The following TSHR variants were observed in gnomAD, a reference collection of about 807,000 sequenced individuals.
The protein encoded by TSHR is thyrotropin receptor.
A neutral mutation model predicts 64.1 loss-of-function variants in TSHR; 51 were observed. That is an observed-to-expected ratio of 0.80 (90% confidence interval 0.64 to 1.01). TSHR has a LOEUF of 1.01. TSHR is among the 50% of genes least tolerant of loss of function. The pLI is 0.00. For missense variants in TSHR, 877 were observed against 942.8 expected, an observed-to-expected ratio of 0.93 and a Z score of 0.91; for synonymous variants, 361 against 361.9, an observed-to-expected ratio of 1.00 and a Z score of 0.03.
rs1891853394 is a variant in TSHR, at chr14:81,144,433, C to T, written c.*80C>T. The T allele has an allele frequency of 2.9e-6, 4 of 1,400,174 alleles. No homozygotes were observed. In the Admixed American group the frequency reaches 5.1e-5, roughly 18 times the overall value. 86.7% of individuals were successfully genotyped at this position (1,400,174 alleles called of 1,614,324 possible). ...GAATATGCATTCCAATCCCATGACA[C>T]CCCCAACACATAGCTGCCCTCACTC... On this transcript the variant is annotated 3_prime_UTR_variant, in exon 10 of 10. Transcript: ENST00000298171.
chr14:81,001,361 C>G (rs1889306100), intron 1 of TSHR: 2 of 340,038 alleles, frequency 5.9e-6, no homozygotes, highest in Admixed American at 3.5e-5. Flanking sequence ...TAAGGATCAT[C>G]TTGATGTGGC....
At chr14:81,136,680 T>C (rs1891467083) in intron 8 of TSHR, among the ~76,000 whole-genome samples, 1 of 152,158 alleles carries the variant, frequency 6.6e-6, no homozygotes, top group Non-Finnish European at 1.5e-5. Context: ...AAACTTCAAA[T>C]TGGGACAAGG....
chr14:81,048,133 CT>C (rs1169979203), intron 1 of TSHR, among the ~76,000 whole-genome samples: 1 of 151,950 alleles, frequency 6.6e-6, no homozygotes, highest in East Asian at 1.9e-4. Context: ...ATTATTATCC[CT>C]TTTTCAGTTG....
intron 8 of TSHR, among the ~76,000 whole-genome samples, chr14:81,118,560 A>C (rs1461268814): frequency 6.6e-6 from 1 of 151,568 alleles, no homozygotes; most frequent in African/African-American, 2.4e-5. Flanking sequence ...TTCCATGCTC[A>C]TGGGTAGGAA....
intron 1 of TSHR, chr14:80,982,768 G>T: frequency 1.6e-6 from 1 of 620,834 alleles, no homozygotes; most frequent in Non-Finnish European, 2.7e-6. Context: ...TTCTTTGCCT[G>T]TGGCAACAGC....
At chr14:81,130,835 C>CA (rs1218828115) in intron 8 of TSHR, among the ~76,000 whole-genome samples, 1 of 128,262 alleles carries the variant, frequency 7.8e-6, no homozygotes, top group Non-Finnish European at 1.5e-5. Context: ...ACTAAAAATA[C>CA]AAAAAATTAG....
At chr14:80,961,027 A>G (rs1229266492) in intron 1 of TSHR, among the ~76,000 whole-genome samples, 1 of 152,256 alleles carries the variant, frequency 6.6e-6, no homozygotes, top group Non-Finnish European at 1.5e-5. Context: ...CTGGCAAGCC[A>G]TAGCTGCTGG....
intron 1 of TSHR, among the ~76,000 whole-genome samples, chr14:81,059,096 C>T (rs1886039782): frequency 6.6e-6 from 1 of 152,122 alleles, no homozygotes; most frequent in Admixed American, 6.6e-5. Flanking sequence ...CCACATATTA[C>T]AATAAATTTT....
At chr14:81,051,957 A>G (rs1001956502) in intron 1 of TSHR, 9 of 152,142 alleles carry the variant, frequency 5.9e-5, no homozygotes, top group Non-Finnish European at 1.2e-4. Flanking sequence ...AGGCCCTTTG[A>G]CAATATATTT....
At chr14:80,960,190 G>A (rs12589529) in intron 1 of TSHR, among the ~76,000 whole-genome samples, 6 of 152,242 alleles carry the variant, frequency 3.9e-5, no homozygotes, top group East Asian at 1.9e-4. Flanking sequence ...TGTGATTCAC[G>A]GTTATTTAAT....
At chr14:81,024,128 A>G (rs1210834865) in intron 1 of TSHR, among the ~76,000 whole-genome samples, 2 of 152,078 alleles carry the variant, frequency 1.3e-5, no homozygotes, top group Admixed American at 6.6e-5. Context: ...CTATCACACC[A>G]TCTTTTGCTG....
chr14:81,129,923 C>A (rs1019874610), intron 8 of TSHR, among the ~76,000 whole-genome samples: 1 of 152,156 alleles, frequency 6.6e-6, no homozygotes. Flanking sequence ...AGTTATTTCC[C>A]ATCAGTGTAT....
At chr14:81,092,485 A>G (rs1388613690) in intron 5 of TSHR, 46 bp from the exon 6 acceptor site, 1 of 1,573,556 alleles carries the variant, frequency 6.4e-7, no homozygotes, top group Non-Finnish European at 8.7e-7. Context: ...CTGCTGCAGA[A>G]GGAAAGCATT....
At chr14:81,124,213 C>CT (rs906927756) in intron 8 of TSHR, among the ~76,000 whole-genome samples, 16 of 150,596 alleles carry the variant, frequency 1.1e-4, no homozygotes, top group African/African-American at 3.4e-4. Flanking sequence ...TCTTTGGTTT[C>CT]TTTTTTTTCT....
chr14:81,058,924 A>T (rs1458191163), intron 1 of TSHR, among the ~76,000 whole-genome samples: 3 of 152,192 alleles, frequency 2.0e-5, no homozygotes, highest in Admixed American at 2.0e-4. Flanking sequence ...TAGAAAGAAC[A>T]TCCAGCCCCT....
intron 1 of TSHR, among the ~76,000 whole-genome samples, chr14:80,971,087 G>A (rs1004629406): frequency 6.6e-6 from 1 of 152,178 alleles, no homozygotes; most frequent in African/African-American, 2.4e-5. Flanking sequence ...GCCTCCCAAA[G>A]TGCTGGGATT....
chr14:81,064,403 G>C (rs1001051060), intron 2 of TSHR, among the ~76,000 whole-genome samples: 6 of 152,150 alleles, frequency 3.9e-5, no homozygotes, highest in African/African-American at 1.4e-4. Flanking sequence ...CAGGGGGTAT[G>C]TTAGGAATTC....
intron 8 of TSHR, among the ~76,000 whole-genome samples, chr14:81,115,678 A>C (rs1277008303): frequency 1.3e-5 from 2 of 152,082 alleles, no homozygotes; most frequent in African/African-American, 4.8e-5. Context: ...AAATACAGAG[A>C]ATGCCACAAA....
At chr14:80,983,422 C>T (rs1463083103) in intron 1 of TSHR, 1 of 1,235,694 alleles carries the variant, frequency 8.1e-7, no homozygotes, top group Non-Finnish European at 1.1e-6. Context: ...GAAAATCCAA[C>T]TGCAGCCAGA....
Sources: gnomAD v4.1 joint callset for allele counts (sites outside exome capture counted in the v4.1 genomes callset) on GRCh38, gnomAD v4.1.1 for gene constraint, MANE v1.5 for transcripts, NCBI Gene and HGNC (gene_info 2026-07-23, HGNC 2026-07-21) for gene names.